Variants in CDH12 observed in about 807,000 individuals in gnomAD.
CDH12 encodes cadherin 12, also known as cadherin-12.
In CDH12, 41 loss-of-function variants were observed where a neutral mutation model predicts 74.1. The observed-to-expected ratio is 0.55, with a 90% confidence interval of 0.43 to 0.72. CDH12 has a LOEUF of 0.72. Ranked by LOEUF, CDH12 falls within the 30% of genes least tolerant of loss-of-function variation. CDH12 has a pLI of 0.00. For synonymous variants in CDH12, 399 were observed against 355.0 expected (o/e 1.12, Z -1.39); for missense variants, 945 against 977.2 (o/e 0.97, Z 0.44).
intron 1 of CDH12, among the ~76,000 whole-genome samples, chr5:22,706,784 A>G (rs1032622045): frequency 6.6e-6 from 1 of 152,156 alleles, no homozygotes; most frequent in African/African-American, 2.4e-5. Flanking sequence ...GGGATTTTAA[A>G]TGCTGTTCAT....
intron 8 of CDH12, among the ~76,000 whole-genome samples, chr5:21,822,234 T>G (rs1310653074): frequency 3.5e-5 from 1 of 28,336 alleles, no homozygotes. Context: ...TATTTGTATA[T>G]TATAATATTT....
rs561433809 is a variant in CDH12, at chr5:22,676,445, CA to C, written c.-522-171082del. On this transcript the variant is annotated intron_variant, in intron 1 of 14. Coordinates refer to ENST00000382254, the MANE Select transcript of CDH12 (RefSeq NM_004061.5). ...GCTCCACCAGCCGTAGGCCATGGGC[CA>C]TATCAGTTTGCTTAACATCTATTAC... is the stretch of plus-strand genomic sequence containing the variant. Among the ~76,000 whole-genome samples, 259 of 152,270 alleles carry C rather than the reference CA, an allele frequency of 1.7e-3. 1 individual carries two copies. The highest frequency in any genetic ancestry group is 3.2e-3 in the Non-Finnish European group (220 of 68,016).
intron 3 of CDH12, among the ~76,000 whole-genome samples, chr5:22,245,205 G>A (rs1031452997): frequency 6.6e-6 from 1 of 152,140 alleles, no homozygotes; most frequent in African/African-American, 2.4e-5. Flanking sequence ...GATGTGCTGT[G>A]GTTTAAAATC....
At chr5:21,960,715 A>T (rs1445511966) in intron 6 of CDH12, among the ~76,000 whole-genome samples, 1 of 151,870 alleles carries the variant, frequency 6.6e-6, no homozygotes, top group Non-Finnish European at 1.5e-5. Flanking sequence ...ACACATACAC[A>T]CACGCACATA....
At chr5:22,015,229 A>G (rs910266490) in intron 5 of CDH12, among the ~76,000 whole-genome samples, 1 of 152,208 alleles carries the variant, frequency 6.6e-6, no homozygotes. Context: ...AGGTTTTGAC[A>G]TATTGTGCCT....
intron 4 of CDH12, among the ~76,000 whole-genome samples, chr5:22,162,110 C>T (rs1434122264): frequency 1.3e-5 from 2 of 150,354 alleles, no homozygotes; most frequent in African/African-American, 4.9e-5. Context: ...TACAGCATAC[C>T]CAAAGGGCTG....
intron 5 of CDH12, among the ~76,000 whole-genome samples, chr5:22,000,015 T>C (rs1310043399): frequency 1.3e-5 from 2 of 152,216 alleles, no homozygotes; most frequent in African/African-American, 4.8e-5. Context: ...TTGTGTCTAG[T>C]TTCTTTTTCC....
At chr5:22,346,633 T>C (rs187259802) in intron 3 of CDH12, among the ~76,000 whole-genome samples, 14 of 152,350 alleles carry the variant, frequency 9.2e-5, no homozygotes, top group Admixed American at 9.1e-4. Context: ...ATCTGGGAGT[T>C]GGTACGTGGC....
intron 3 of CDH12, among the ~76,000 whole-genome samples, chr5:22,368,441 A>T (rs1428819368): frequency 6.7e-6 from 1 of 150,274 alleles, no homozygotes; most frequent in Non-Finnish European, 1.5e-5. Flanking sequence ...TGGGACTACA[A>T]GGAGTCTACC....
intron 1 of CDH12, among the ~76,000 whole-genome samples, chr5:22,568,323 AAAAT>A (rs1041205114): frequency 6.6e-6 from 1 of 152,208 alleles, no homozygotes; most frequent in African/African-American, 2.4e-5. Context: ...ATGATTATTT[AAAAT>A]AAATAAATGA....
intron 2 of CDH12, among the ~76,000 whole-genome samples, chr5:22,432,318 T>C (rs1744206099): frequency 6.6e-6 from 1 of 152,130 alleles, no homozygotes; most frequent in East Asian, 1.9e-4. Context: ...GCTAAGTTTG[T>C]ATGAGTAAAC....
chr5:21,868,528 AT>A (rs1446181356), intron 6 of CDH12, among the ~76,000 whole-genome samples: 1 of 152,162 alleles, frequency 6.6e-6, no homozygotes, highest in Non-Finnish European at 1.5e-5. Flanking sequence ...GGGGGCCCAA[AT>A]TCTACCCCCA....
At chr5:22,501,902 C>T (rs1355093536) in intron 2 of CDH12, among the ~76,000 whole-genome samples, 1 of 152,096 alleles carries the variant, frequency 6.6e-6, no homozygotes, top group Non-Finnish European at 1.5e-5. Flanking sequence ...TGTTTCACCT[C>T]ATCACTGCTG....
chr5:22,512,374 G>T (rs1736648800), intron 1 of CDH12, among the ~76,000 whole-genome samples: 1 of 152,034 alleles, frequency 6.6e-6, no homozygotes, highest in Admixed American at 6.6e-5. Flanking sequence ...ACTGTGGGGT[G>T]GTGGTAAAAA....
intron 1 of CDH12, among the ~76,000 whole-genome samples, chr5:22,543,333 A>C (rs1033849620): frequency 6.6e-6 from 1 of 152,184 alleles, no homozygotes; most frequent in Non-Finnish European, 1.5e-5. Flanking sequence ...CATGTAGCAT[A>C]CAATGTTTTA....
chr5:21,880,563 C>CTT lies in CDH12; in HGVS notation c.527-25774_527-25773insAA, dbSNP rs1561268016. Among the ~76,000 whole-genome samples, 72 of 20,562 alleles carry CTT rather than the reference C, an allele frequency of 3.5e-3. 5 individuals carry two copies. The highest frequency in any genetic ancestry group is 4.8e-3 in the African/African-American group (65 of 13,484). The allele number at this position is 20,562 out of a possible 152,430, so 13.5% of individuals were successfully genotyped here. ...CCTTCCTTCCTTCCTTCCTTCCTTC[C>CTT]CTTCTTTCTTTCCTTCCTTCCTTCC... On this transcript the variant is annotated intron_variant, in intron 6 of 14. Coordinates refer to ENST00000382254, the MANE Select transcript of CDH12 (RefSeq NM_004061.5).
chr5:22,716,310 G>T (rs147412944), intron 1 of CDH12, among the ~76,000 whole-genome samples: 1 of 152,056 alleles, frequency 6.6e-6, no homozygotes, highest in Non-Finnish European at 1.5e-5. Context: ...TACTGCATCT[G>T]GATATTTCCA....
At chr5:22,562,013 A>G (rs1261258837) in intron 1 of CDH12, among the ~76,000 whole-genome samples, 1 of 152,210 alleles carries the variant, frequency 6.6e-6, no homozygotes, top group East Asian at 1.9e-4. Flanking sequence ...TGTTTTCATC[A>G]ATGTAATTTA....
rs565732128 is a variant in CDH12, at chr5:22,039,254, C to T, written c.231+39192G>A. On this transcript the variant is annotated intron_variant, in intron 5 of 14. Transcript: ENST00000382254. ...CATATGCTGCTCCCTGGGCACAAAC[C>T]TCCAGAGTACCTCTTCTTCTCCAGA... Among the ~76,000 whole-genome samples, 3 of 152,192 alleles carry T rather than the reference C, an allele frequency of 2.0e-5. No individual in the cohort carries two copies. In the South Asian group the frequency reaches 6.2e-4, roughly 32 times the overall value.
Sources: gnomAD v4.1 joint callset for allele counts (sites outside exome capture counted in the v4.1 genomes callset) on GRCh38, gnomAD v4.1.1 for gene constraint, MANE v1.5 for transcripts, NCBI Gene and HGNC (gene_info 2026-07-23, HGNC 2026-07-21) for gene names.